NOMO2: variants seen among roughly 807,000 people sequenced by gnomAD.
NOMO2 encodes BOS complex subunit NOMO2.
A neutral mutation model predicts 67.1 loss-of-function variants in NOMO2; 14 were observed. The ratio of observed to expected loss-of-function variants is 0.21; its 90% CI spans 0.14 to 0.33. NOMO2 has a LOEUF of 0.33. Among genes scored for constraint, NOMO2 ranks in the 10% least tolerant of loss-of-function variants. The pLI is 1.00. For missense variants in NOMO2, 178 were observed against 761.0 expected, an observed-to-expected ratio of 0.23 and a Z score of 9.01; for synonymous variants, 80 against 305.9, an observed-to-expected ratio of 0.26 and a Z score of 7.71.
rs1901946654 is a variant in NOMO2 at position 18,557,870 on chromosome 16, C to T, written c.166-79G>A. 1.9e-6 allele frequency: 3 copies of T among 1,589,760 alleles called. No homozygotes were observed. In the Admixed American group the frequency reaches 5.1e-5, roughly 27 times the overall value. On this transcript the variant is annotated intron_variant, in intron 1 of 30. Transcript: ENST00000622306. ...TACACATGTTACACCTGAATGCACT[C>T]AGTCAGTATACATTCACTGAGGACC... is the stretch of plus-strand genomic sequence containing the variant.
At chr16:18,558,570 T>C in intron 1 of NOMO2, 1 of 188,638 alleles carries the variant, frequency 5.3e-6, no homozygotes. Context: ...TGGAGCAACA[T>C]TCATCTAGAA....
At chr16:18,539,336 A>C in intron 9 of NOMO2, among the ~76,000 whole-genome samples, 2 of 150,448 alleles carry the variant, frequency 1.3e-5, no homozygotes, top group South Asian at 2.1e-4. Context: ...TCCCATGCAC[A>C]CCCCGGCATC....
intron 11 of NOMO2, among the ~76,000 whole-genome samples, chr16:18,535,627 C>A (rs1212506255): frequency 6.6e-6 from 1 of 151,950 alleles, no homozygotes; most frequent in Non-Finnish European, 1.5e-5. Flanking sequence ...CGCCTGCCAG[C>A]CGCCTGGGCC....
At chr16:18,544,818 T>C (rs1459865075) in intron 6 of NOMO2, among the ~76,000 whole-genome samples, 3 of 151,604 alleles carry the variant, frequency 2.0e-5, no homozygotes, top group African/African-American at 7.3e-5. Flanking sequence ...CAGAGAAAAG[T>C]GTACAGATTC....
Position 18,541,964 on chromosome 16 carries a change from A to G in NOMO2, c.963+208T>C, listed in dbSNP as rs1362509202. ...AATGCATGTCACTGGCAATCAATAA[A>G]TATATTTCATTGAATGAGTAGATTT... On this transcript the variant is annotated intron_variant, in intron 9 of 30. Coordinates refer to ENST00000622306, the MANE Select transcript of NOMO2 (RefSeq NM_173614.4). Among the ~76,000 whole-genome samples the G allele has an allele frequency of 3.8e-4, 25 of 66,152 alleles. No individual in the cohort carries two copies. The East Asian group carries it at 8.8e-3, about 23-fold the overall frequency. The allele number at this position is 66,152 out of a possible 152,430, so 43.4% of individuals were successfully genotyped here.
intron 16 of NOMO2, among the ~76,000 whole-genome samples, chr16:18,525,303 G>A (rs1001485207): frequency 6.7e-6 from 1 of 149,186 alleles, no homozygotes; most frequent in Non-Finnish European, 1.5e-5. Flanking sequence ...ACCTCTTCCT[G>A]GCCAGGTATT....
intron 6 of NOMO2, among the ~76,000 whole-genome samples, chr16:18,546,276 T>C (rs1439959327): frequency 1.9e-5 from 1 of 53,168 alleles, no homozygotes; most frequent in African/African-American, 6.7e-5. Flanking sequence ...AAGACCCTGT[T>C]GCAAAAAAAA....
chr16:18,529,363 G>A (rs778837829), intron 15 of NOMO2, 138 bp downstream of exon 15: 133 of 1,593,190 alleles, frequency 8.3e-5, no homozygotes, highest in South Asian at 2.6e-4. Context: ...TATGCGTTGC[G>A]TAACAGGTGG....
In NOMO2 at chr16:18,557,920, G is replaced by C. The variant is rs74796539; in HGVS notation, c.166-129C>G. The C allele has an allele frequency of 7.7e-3, 11,763 of 1,518,242 alleles. 102 individuals are homozygous for C. Among genetic ancestry groups the C allele is most frequent in the Middle Eastern group, 0.016 (64 of 4,106 alleles). The allele number at this position is 1,518,242 out of a possible 1,614,324, so 94.0% of individuals were successfully genotyped here. A position where few individuals can be genotyped will look rare whatever the true frequency, so the allele number is the denominator to read the frequency against. The stretch of plus-strand genomic sequence containing the variant: ...CTACTATATACCAGCTTTTAACACG[G>C]GGCATTACTGGGGACAGAGGGAAAT... On this transcript the variant is annotated intron_variant, in intron 1 of 30. Transcript: ENST00000622306.
chr16:18,544,486 C>T (rs1378859793), intron 6 of NOMO2, among the ~76,000 whole-genome samples: 1 of 152,128 alleles, frequency 6.6e-6, no homozygotes, highest in Non-Finnish European at 1.5e-5. Context: ...AAGTCTCACC[C>T]AATTCAAGCA....
At chr16:18,540,112 T>C (rs1901515825) in intron 9 of NOMO2, among the ~76,000 whole-genome samples, 2 of 151,282 alleles carry the variant, frequency 1.3e-5, no homozygotes, top group African/African-American at 2.4e-5. Context: ...TGAATGAATG[T>C]GTGCACGCAC....
rs1901241317 is a variant in NOMO2 at position 18,529,425 on chromosome 16, C to T, written c.1806+76G>A. 7 of 1,611,238 alleles carry T rather than the reference C, an allele frequency of 4.3e-6. No individual in the cohort carries two copies. In the East Asian group the frequency reaches 8.9e-5, roughly 21 times the overall value. On this transcript the variant is annotated intron_variant, in intron 15 of 30. Transcript: ENST00000622306. ...CTGACTTGCCTACGTTTACAATATTCCTGGGATGTTAGTCTTTCTTGACAT... is the reference window on the plus strand; with the variant it reads ...CTGACTTGCCTACGTTTACAATATTTCTGGGATGTTAGTCTTTCTTGACAT...
intron 16 of NOMO2, among the ~76,000 whole-genome samples, chr16:18,525,222 CAA>C (rs536539665): frequency 6.9e-6 from 1 of 145,566 alleles, no homozygotes. Flanking sequence ...TAGTTACCAT[CAA>C]AAAAAAAAAA....
Position 18,538,519 on chromosome 16 carries a change from A to T in NOMO2, c.1220+7T>A. On this transcript the variant is annotated splice_region_variant and intron_variant, in intron 11 of 30. Transcript: ENST00000622306. ...CTGGTGCTTCCAAATCCACACGATA[A>T]GCTTACCCTGTTGCAACAATGTCAG... The T allele has an allele frequency of 2.5e-6, 4 of 1,613,610 alleles. No homozygotes were observed. Among genetic ancestry groups the T allele is most frequent in the Non-Finnish European group, 2.5e-6 (3 of 1,179,746 alleles).
intron 15 of NOMO2, among the ~76,000 whole-genome samples, chr16:18,528,989 ATACAT>A (rs1901222856): frequency 5.5e-5 from 2 of 36,248 alleles, no homozygotes; most frequent in African/African-American, 8.7e-5. Context: ...AAAAAAAAAA[ATACAT>A]ATATATATAT....
chr16:18,543,185 T>C (rs1567243405), intron 7 of NOMO2, among the ~76,000 whole-genome samples: 1 of 148,374 alleles, frequency 6.7e-6, no homozygotes, highest in Non-Finnish European at 1.5e-5. Flanking sequence ...TCTTGAATTT[T>C]TTTTTTTTTT....
Position 18,538,933 on chromosome 16 carries a change from G to A in NOMO2, c.995C>T (p.Thr332Ile). 1 of 1,543,282 alleles carries A rather than the reference G, an allele frequency of 6.5e-7. No homozygotes were observed. Among genetic ancestry groups the A allele is most frequent in the Non-Finnish European group, 8.9e-7 (1 of 1,117,360 alleles). Reference sequence around the variant, plus strand: ...TTCGGGTCCGTTCAAGACCCTCCCGGTGACGGAGAATCCCATGACGTGGAA... The same window carrying A: ...TTCGGGTCCGTTCAAGACCCTCCCGATGACGGAGAATCCCATGACGTGGAA... ...PVFHVMGFSV[T>I]GRVLNGPEGD... The change falls in exon 10 of 31, where the codon ACC becomes ATC. Residue 332 changes from threonine (T) to isoleucine (I), a missense_variant. Transcript: ENST00000622306.
At chr16:18,533,697 G>A (rs1417652680) in intron 11 of NOMO2, 1 of 153,636 alleles carries the variant, frequency 6.5e-6, no homozygotes, top group Non-Finnish European at 1.4e-5. Flanking sequence ...CTGGGAGATT[G>A]GAACAGAAAA....
chr16:18,557,975 C>T (rs1901949810), intron 1 of NOMO2, among the ~76,000 whole-genome samples, 184 bp from the exon 2 acceptor site: 1 of 152,022 alleles, frequency 6.6e-6, no homozygotes. Context: ...TCATGTGACT[C>T]AATGTTTTTC....
Sources: allele counts gnomAD v4.1 joint callset (sites outside exome capture counted in the v4.1 genomes callset), GRCh38; gene constraint gnomAD v4.1.1; transcripts MANE v1.5; gene names NCBI Gene and HGNC (gene_info 2026-07-23, HGNC 2026-07-21).